CIMIP1: variants seen among roughly 807,000 people sequenced by gnomAD.
CIMIP1 encodes the protein low in lung cancer 1.
chr20:58,151,298 C>G, the CIMIP1 span, among the ~76,000 whole-genome samples: 1 of 152,032 alleles, frequency 6.6e-6, no homozygotes, highest in Admixed American at 6.5e-5. Flanking sequence ...TTTCAACAAT[C>G]AGCAGAGATT....
the CIMIP1 span, chr20:58,161,102 A>T: frequency 3.8e-6 from 1 of 265,228 alleles, no homozygotes; most frequent in Non-Finnish European, 7.0e-6. Context: ...CAGGGCTTTA[A>T]AAAAAAATAA....
the CIMIP1 span, chr20:58,160,930 C>A: frequency 2.5e-6 from 3 of 1,224,334 alleles, no homozygotes; most frequent in Non-Finnish European, 3.4e-6. Context: ...CAGTCCCCTG[C>A]GTACTTGCTC....
At chr20:58,156,703 G>C in the CIMIP1 span, among the ~76,000 whole-genome samples, 1 of 152,188 alleles carries the variant, frequency 6.6e-6, no homozygotes, top group Non-Finnish European at 1.5e-5. Context: ...CTCACCTGAA[G>C]CCTGCACCAC....
chr20:58,151,120 G>C, the CIMIP1 span: 1 of 1,291,042 alleles, frequency 7.7e-7, no homozygotes, highest in Non-Finnish European at 1.1e-6. Flanking sequence ...ACCAAGTCCG[G>C]GAAGTGATCG....
the CIMIP1 span, chr20:58,151,096 G>A: frequency 6.9e-7 from 1 of 1,455,768 alleles, no homozygotes; most frequent in South Asian, 1.2e-5. Flanking sequence ...CACATCTGGG[G>A]TCTCAGTTTC....
At chr20:58,158,105 G>T in the CIMIP1 span, among the ~76,000 whole-genome samples, 2 of 152,262 alleles carry the variant, frequency 1.3e-5, no homozygotes, top group Non-Finnish European at 2.9e-5. Context: ...CAAAGAAAGC[G>T]CCCCCACCTA....
the CIMIP1 span, among the ~76,000 whole-genome samples, chr20:58,158,809 CTG>C: frequency 6.6e-6 from 1 of 152,222 alleles, no homozygotes; most frequent in Non-Finnish European, 1.5e-5. Context: ...CTCTGGACCC[CTG>C]GAGCCACTGT....
the CIMIP1 span, among the ~76,000 whole-genome samples, chr20:58,155,768 G>A: frequency 6.6e-6 from 1 of 152,234 alleles, no homozygotes; most frequent in African/African-American, 2.4e-5. Context: ...AAGTCTACAA[G>A]TGCAAGCACC....
At chr20:58,151,904 G>A in the CIMIP1 span, among the ~76,000 whole-genome samples, 9 of 152,076 alleles carry the variant, frequency 5.9e-5, no homozygotes, top group African/African-American at 1.7e-4. Flanking sequence ...TATCTGCTAC[G>A]TATTATTGCA....
At chr20:58,154,755 C>G in the CIMIP1 span, among the ~76,000 whole-genome samples, 1 of 152,236 alleles carries the variant, frequency 6.6e-6, no homozygotes, top group South Asian at 2.1e-4. Flanking sequence ...AGTGGACGCT[C>G]TCCTCTAATA....
the CIMIP1 span, among the ~76,000 whole-genome samples, chr20:58,156,381 T>C: frequency 2.6e-5 from 4 of 151,980 alleles, no homozygotes; most frequent in Admixed American, 2.6e-4. Context: ...AGCCCTGAGA[T>C]AGAACACAGG....
chr20:58,160,918 C>A, the CIMIP1 span: 1 of 1,374,878 alleles, frequency 7.3e-7, no homozygotes, highest in Non-Finnish European at 9.9e-7. Flanking sequence ...ATCCCGAGGA[C>A]ACAGTCCCCT....
chr20:58,160,627 G>T, the CIMIP1 span: 3 of 1,597,252 alleles, frequency 1.9e-6, no homozygotes, highest in Non-Finnish European at 1.7e-6. Context: ...CTCTGTGGCC[G>T]AAGGTCACTA....
At chr20:58,159,246 T>C in the CIMIP1 span, among the ~76,000 whole-genome samples, 1 of 149,178 alleles carries the variant, frequency 6.7e-6, no homozygotes, top group Non-Finnish European at 1.5e-5. Context: ...CTGGGCATGA[T>C]GGCTCATGCC....
At chr20:58,159,143 A>C in the CIMIP1 span, among the ~76,000 whole-genome samples, 11 of 145,398 alleles carry the variant, frequency 7.6e-5, no homozygotes, top group African/African-American at 2.8e-4. Context: ...GCCTCAGAGT[A>C]GATTGTTAGG....
At chr20:58,153,475 G>A in the CIMIP1 span, 2 of 1,191,860 alleles carry the variant, frequency 1.7e-6, no homozygotes, top group African/African-American at 1.5e-5. Context: ...GTGGAGAATG[G>A]AAATGTCCCC....
chr20:58,150,971 C>T, the CIMIP1 span: 1 of 1,606,592 alleles, frequency 6.2e-7, no homozygotes, highest in Non-Finnish European at 8.5e-7. Flanking sequence ...CCTCATGGCG[C>T]AGAAACCTCT....
chr20:58,151,423 T>C, the CIMIP1 span, among the ~76,000 whole-genome samples: 1 of 152,114 alleles, frequency 6.6e-6, no homozygotes, highest in African/African-American at 2.4e-5. Flanking sequence ...GTTTGTTTGT[T>C]TGTTTTTTGA....
At chr20:58,158,649 C>CAA in the CIMIP1 span, among the ~76,000 whole-genome samples, 6 of 142,868 alleles carry the variant, frequency 4.2e-5, no homozygotes, top group African/African-American at 1.5e-4. Flanking sequence ...GACTCCGTCT[C>CAA]AAAAAAAAAA....
Sources: gnomAD v4.1 joint callset for allele counts (sites outside exome capture counted in the v4.1 genomes callset) on GRCh38, gnomAD v4.1.1 for gene constraint, MANE v1.5 for transcripts, NCBI Gene and HGNC (gene_info 2026-07-23, HGNC 2026-07-21) for gene names.